Variants in GAB3 observed in about 807,000 individuals in gnomAD.
GAB3 encodes the protein GRB2 associated binding protein 3.
In GAB3, 12 loss-of-function variants were observed where a neutral mutation model predicts 40.4. The observed-to-expected ratio is 0.30, with a 90% CI of 0.19 to 0.48. GAB3 has a LOEUF of 0.48. Ranked by LOEUF, GAB3 falls within the 20% of genes least tolerant of loss-of-function variation. The pLI is 0.99. For missense variants in GAB3, 381 were observed against 461.9 expected (o/e 0.82, Z 1.61); for synonymous variants, 154 against 176.7 (o/e 0.87, Z 1.02).
intron 1 of GAB3, among the ~76,000 whole-genome samples, chrX:154,741,712 G>GTTTAAT (rs2071445190): frequency 9.1e-6 from 1 of 109,330 alleles, no homozygotes; most frequent in African/African-American, 3.3e-5. Context: ...AGAGGAAAAG[G>GTTTAAT]TTTAATTGAC....
chrX:154,738,997 G>A (rs782208923), intron 1 of GAB3, among the ~76,000 whole-genome samples: 7 of 111,323 alleles, frequency 6.3e-5, no homozygotes, highest in Non-Finnish European at 1.1e-4. Flanking sequence ...GATTCTGATC[G>A]TCTTTCCTGA....
At position 154,745,129 on chromosome X, in the gene GAB3, C is replaced by T. The variant is rs187651363; in HGVS notation, c.72+5825G>A. Among the ~76,000 whole-genome samples, 1,003 of 111,149 alleles carry T rather than the reference C, an allele frequency of 9.0e-3. 9 individuals are homozygous for T. The highest frequency in any genetic ancestry group is 0.032 in the African/African-American group (971 of 30,587). ...GCTGGATCACTTGAGGTCAAGAGTT[C>T]AAGACCAGCCTGGCCAATATGGTGA... On this transcript the variant is annotated intron_variant, in intron 1 of 9. Coordinates refer to ENST00000424127, the MANE Select transcript of GAB3 (RefSeq NM_001081573.3).
At chrX:154,747,513 T>G (rs1557262203) in intron 1 of GAB3, among the ~76,000 whole-genome samples, 1 of 112,102 alleles carries the variant, frequency 8.9e-6, no homozygotes, top group African/African-American at 3.2e-5. Flanking sequence ...TTATAAAACT[T>G]TCAGAGGCCA....
At chrX:154,717,029 C>A (rs1209755480) in intron 1 of GAB3, among the ~76,000 whole-genome samples, 3 of 112,103 alleles carry the variant, frequency 2.7e-5, no homozygotes, top group African/African-American at 9.8e-5. Flanking sequence ...GTAACTATTA[C>A]TATCTCCATC....
chrX:154,707,943 T>C (rs1162306626), intron 4 of GAB3, among the ~76,000 whole-genome samples: 2 of 111,847 alleles, frequency 1.8e-5, no homozygotes, highest in Non-Finnish European at 3.8e-5. Flanking sequence ...ATAAGAGATA[T>C]GTAAAATTTC....
chrX:154,682,195 T>C (rs936481651), intron 8 of GAB3, among the ~76,000 whole-genome samples: 35 of 112,539 alleles, frequency 3.1e-4, no homozygotes, highest in African/African-American at 1.1e-3. Context: ...ATATTGATTT[T>C]ATATCCATCA....
At chrX:154,731,521 G>C (rs1173444580) in intron 1 of GAB3, among the ~76,000 whole-genome samples, 1 of 111,898 alleles carries the variant, frequency 8.9e-6, no homozygotes, top group East Asian at 2.8e-4. Flanking sequence ...ACATTATGAA[G>C]GTACAGTAGT....
rs2070823356 is a variant in GAB3, at chrX:154,707,120, AGACGTCAT to A, written c.1069+5101_1069+5108del. Among the ~76,000 whole-genome samples, 4 of 111,439 alleles carry A rather than the reference AGACGTCAT, an allele frequency of 3.6e-5. No individual in the cohort carries two copies. The South Asian group carries it at 1.5e-3, about 41-fold the overall frequency. On this transcript the variant is annotated intron_variant, in intron 4 of 9. Transcript: ENST00000424127. ...AGCATAACATTTTTACCAAAACCAA[AGACGTCAT>A]GATAAAAGAAAGTTACAGGACAATC...
At chrX:154,711,957 G>T (rs1189345796) in intron 4 of GAB3, among the ~76,000 whole-genome samples, 1 of 111,968 alleles carries the variant, frequency 8.9e-6, no homozygotes, top group African/African-American at 3.3e-5. Flanking sequence ...AGGGGTTGGG[G>T]GGATCCAGGA....
chrX:154,684,637 G>T (rs1200856679), intron 8 of GAB3, among the ~76,000 whole-genome samples: 3 of 111,155 alleles, frequency 2.7e-5, no homozygotes, highest in Non-Finnish European at 5.7e-5. Context: ...GATCCTCTCT[G>T]ATTTTGTTAT....
At chrX:154,719,970 G>A (rs1557258380) in intron 1 of GAB3, among the ~76,000 whole-genome samples, 2 of 112,096 alleles carry the variant, frequency 1.8e-5, no homozygotes, top group Non-Finnish European at 3.8e-5. Flanking sequence ...TTCATAAATA[G>A]TCATATGCTG....
chrX:154,718,229 C>A (rs1338673466), intron 1 of GAB3, among the ~76,000 whole-genome samples: 1 of 109,671 alleles, frequency 9.1e-6, no homozygotes, highest in Non-Finnish European at 1.9e-5. Context: ...GGCAGAGAAT[C>A]CAAAGAAGCA....
chrX:154,713,203 A>C lies in GAB3; in HGVS notation c.596+4T>G, dbSNP rs2070981578. ...CTCAGACAGAGTCCTGGGCATAAGC[A>C]TACCTGGTATGGTGCAGTCTTCCAG... On this transcript the variant is annotated splice_donor_region_variant and intron_variant, in intron 3 of 9. Coordinates refer to ENST00000424127, the MANE Select transcript of GAB3 (RefSeq NM_001081573.3). 8.3e-7 allele frequency: 1 copy of C among 1,201,331 alleles called. No individual in the cohort carries two copies. The highest frequency in any genetic ancestry group is 1.8e-5 in the African/African-American group (1 of 56,926).
chrX:154,747,865 G>A (rs186286010), intron 1 of GAB3, among the ~76,000 whole-genome samples: 2 of 112,290 alleles, frequency 1.8e-5, no homozygotes, highest in East Asian at 2.8e-4. Flanking sequence ...CTTCAAAAGA[G>A]GATGAAAAGA....
At chrX:154,749,070 G>GTGT (rs1245534723) in intron 1 of GAB3, among the ~76,000 whole-genome samples, 32 of 111,999 alleles carry the variant, frequency 2.9e-4, no homozygotes, top group African/African-American at 8.8e-4. Context: ...ATGTCTTGGA[G>GTGT]TGTTGGTAAG....
At chrX:154,729,344 T>C (rs1402006749) in intron 1 of GAB3, among the ~76,000 whole-genome samples, 4 of 112,241 alleles carry the variant, frequency 3.6e-5, no homozygotes, top group Admixed American at 2.8e-4. Flanking sequence ...CAATGCCTAC[T>C]GTGAACCAAG....
At chrX:154,687,352 C>T (rs2070468776) in intron 8 of GAB3, among the ~76,000 whole-genome samples, 2 of 110,648 alleles carry the variant, frequency 1.8e-5, no homozygotes, top group African/African-American at 6.6e-5. Flanking sequence ...AAGTGTTAGG[C>T]CAGGCGTGGT....
intron 4 of GAB3, among the ~76,000 whole-genome samples, chrX:154,710,279 C>G (rs1557255359): frequency 8.9e-6 from 1 of 111,903 alleles, no homozygotes; most frequent in African/African-American, 3.3e-5. Context: ...CAATCCTCCT[C>G]AAATCCCCAA....
At chrX:154,717,256 G>C (rs920368186) in intron 1 of GAB3, among the ~76,000 whole-genome samples, 2 of 111,177 alleles carry the variant, frequency 1.8e-5, no homozygotes, top group Admixed American at 1.9e-4. Flanking sequence ...ATTTTTTAAA[G>C]ATGGGAGACT....
Sources: gnomAD v4.1 joint callset for allele counts (sites outside exome capture counted in the v4.1 genomes callset) on GRCh38, gnomAD v4.1.1 for gene constraint, MANE v1.5 for transcripts, NCBI Gene and HGNC (gene_info 2026-07-23, HGNC 2026-07-21) for gene names.